TIMM9: variants seen among roughly 807,000 people sequenced by gnomAD.
TIMM9 encodes mitochondrial import inner membrane translocase subunit Tim9.
In TIMM9, 10 loss-of-function variants were observed where a neutral mutation model predicts 13.4. The observed-to-expected ratio is 0.75, with a 90% CI of 0.46 to 1.26. The LOEUF is 1.26. Ranked by LOEUF, TIMM9 falls within the 50% of genes most tolerant of loss-of-function variation. The pLI, the probability that TIMM9 is intolerant of heterozygous loss-of-function variation, is 0.00. For synonymous variants in TIMM9, 32 were observed against 32.1 expected (o/e 1.00, Z 0.01); for missense variants, 87 against 100.8 (o/e 0.86, Z 0.58).
Position 58,426,068 on chromosome 14 carries a change from G to C in TIMM9, c.-115+986C>G, listed in dbSNP as rs369330211. Among the ~76,000 whole-genome samples, 4 of 151,782 alleles carry C rather than the reference G, an allele frequency of 2.6e-5. 1 individual carries two copies. ...GGAGGCGGAGGTTGCAGTGAGCCAAGATCGCGCCACTGCACTCCAGCCTGT... is the reference window on the plus strand; with the variant it reads ...GGAGGCGGAGGTTGCAGTGAGCCAACATCGCGCCACTGCACTCCAGCCTGT... On this transcript the variant is annotated intron_variant, in intron 2 of 5. Coordinates refer to ENST00000395159, the MANE Select transcript of TIMM9 (RefSeq NM_012460.4).
chr14:58,408,578 A>T lies in TIMM9; in HGVS notation c.*456T>A, dbSNP rs1196883058. The stretch of plus-strand genomic sequence containing the variant: ...CAGGACTGCTTGGAGGATGATCCTG[A>T]TTGAAAAACATTTCAACGTATCCAC... On this transcript the variant is annotated 3_prime_UTR_variant, in exon 6 of 6. Transcript: ENST00000395159. 1.2e-6 allele frequency: 2 copies of T among 1,613,826 alleles called. No homozygotes were observed. Among genetic ancestry groups the T allele is most frequent in the Non-Finnish European group, 1.7e-6 (2 of 1,179,900 alleles).
At chr14:58,414,511 G>A (rs1394968968) in intron 3 of TIMM9, among the ~76,000 whole-genome samples, 2 of 152,040 alleles carry the variant, frequency 1.3e-5, no homozygotes, top group Non-Finnish European at 2.9e-5. Context: ...GCTGAGGCAG[G>A]TGGATCACCT....
chr14:58,417,038 G>A (rs1957946), intron 3 of TIMM9, among the ~76,000 whole-genome samples: 133 of 152,080 alleles, frequency 8.7e-4, no homozygotes, highest in African/African-American at 3.0e-3. Context: ...CTGTTCTCAT[G>A]ATAGTGAATA....
At chr14:58,409,861 A>G (rs1470777405) in intron 5 of TIMM9, among the ~76,000 whole-genome samples, 2 of 151,986 alleles carry the variant, frequency 1.3e-5, no homozygotes, top group Non-Finnish European at 2.9e-5. Context: ...TCCAGGCGTG[A>G]GCCACCGCGC....
rs924846314 is a variant in TIMM9, at chr14:58,408,982, A to G, written c.*52T>C. On this transcript the variant is annotated 3_prime_UTR_variant, in exon 6 of 6. Transcript: ENST00000395159. ...TCTATCAGATGAGTCCTCATTTCCA[A>G]TAAAGCAGCTGTTGGCAATCTTTCA... 11 of 1,586,180 alleles carry G rather than the reference A, an allele frequency of 6.9e-6. No individual in the cohort carries two copies. The African/African-American group carries it at 1.1e-4, about 16-fold the overall frequency.
chr14:58,415,349 G>T (rs1367775506), intron 3 of TIMM9, among the ~76,000 whole-genome samples: 1 of 152,026 alleles, frequency 6.6e-6, no homozygotes, highest in Non-Finnish European at 1.5e-5. Flanking sequence ...GAACTAGGAA[G>T]ATCTCAAACT....
intron 3 of TIMM9, among the ~76,000 whole-genome samples, chr14:58,422,927 G>T (rs897334737): frequency 6.6e-6 from 1 of 151,916 alleles, no homozygotes; most frequent in African/African-American, 2.4e-5. Flanking sequence ...TTGTGCCTCA[G>T]CCTCCTGAGT....
chr14:58,424,668 C>T (rs1186673292), intron 2 of TIMM9, among the ~76,000 whole-genome samples: 3 of 151,756 alleles, frequency 2.0e-5, no homozygotes, highest in Non-Finnish European at 4.4e-5. Context: ...AAAAGTTCTA[C>T]ATCAGCCTGG....
At chr14:58,422,158 C>T (rs1000671722) in intron 3 of TIMM9, among the ~76,000 whole-genome samples, 3 of 150,892 alleles carry the variant, frequency 2.0e-5, no homozygotes, top group African/African-American at 7.3e-5. Context: ...TCTTGTTGCC[C>T]AGGCTGGAGT....
chr14:58,419,451 TCACACACACACACACACACACACACACA>T (rs67147520), intron 3 of TIMM9, among the ~76,000 whole-genome samples: 5 of 112,926 alleles, frequency 4.4e-5, no homozygotes, highest in East Asian at 5.1e-4. Flanking sequence ...TGAGACCCCG[TCACACACACACACACACACACACACACA>T]CACACACACA....
intron 5 of TIMM9, among the ~76,000 whole-genome samples, chr14:58,410,240 TTTTTTTGTA>T (rs1433531824): frequency 1.3e-5 from 2 of 151,984 alleles, no homozygotes; most frequent in African/African-American, 4.8e-5. Context: ...CTAGCTAATT[TTTTTTTGTA>T]TTTTTTGTAA....
At chr14:58,421,751 G>A (rs2036594116) in intron 3 of TIMM9, among the ~76,000 whole-genome samples, 1 of 152,004 alleles carries the variant, frequency 6.6e-6, no homozygotes, top group African/African-American at 2.4e-5. Context: ...TTCTAAAGAA[G>A]TATTAAATGA....
At chr14:58,424,844 G>C (rs1447005913) in intron 2 of TIMM9, among the ~76,000 whole-genome samples, 1 of 152,136 alleles carries the variant, frequency 6.6e-6, no homozygotes, top group Non-Finnish European at 1.5e-5. Flanking sequence ...TCTTGCCTGG[G>C]TGACAGAAAG....
intron 3 of TIMM9, among the ~76,000 whole-genome samples, chr14:58,414,036 A>AAAAC (rs398025244): frequency 3.5e-5 from 5 of 144,304 alleles, no homozygotes; most frequent in African/African-American, 1.0e-4. Flanking sequence ...AAAAAAAAAA[A>AAAAC]GGTTTGTATA....
intron 3 of TIMM9, among the ~76,000 whole-genome samples, chr14:58,413,721 G>A (rs2140319502): frequency 6.6e-6 from 1 of 152,154 alleles, no homozygotes; most frequent in Non-Finnish European, 1.5e-5. Context: ...ATTTGTATTT[G>A]TATAGGCTGG....
Position 58,423,514 on chromosome 14 carries a change from C to CAA in TIMM9, c.-27+492_-27+493dup, listed in dbSNP as rs398025245. On this transcript the variant is annotated intron_variant, in intron 3 of 5. Coordinates refer to ENST00000395159, the MANE Select transcript of TIMM9 (RefSeq NM_012460.4). The stretch of plus-strand genomic sequence containing the variant: ...TGGGTGACAGAGCGAGACTTTGTCT[C>CAA]AAAAAAAAAAAAAAAAAAAAAAAAA... 1.4e-3 allele frequency among the ~76,000 whole-genome samples: 94 copies of CAA among 66,458 alleles called. 1 individual carries two copies. The highest frequency in any genetic ancestry group is 3.7e-3 in the African/African-American group (64 of 17,154). 43.6% of individuals were successfully genotyped at this position (66,458 alleles called of 152,430 possible).
chr14:58,413,035 G>A (rs975158847), intron 3 of TIMM9, among the ~76,000 whole-genome samples: 2 of 152,052 alleles, frequency 1.3e-5, no homozygotes, highest in African/African-American at 4.8e-5. Context: ...ATTATACTCA[G>A]TCGAATACAT....
intron 3 of TIMM9, among the ~76,000 whole-genome samples, chr14:58,418,184 C>T (rs1209472813): frequency 6.6e-6 from 1 of 151,934 alleles, no homozygotes; most frequent in African/African-American, 2.4e-5. Context: ...AAAATTAATC[C>T]GTTTAAGTCC....
chr14:58,417,557 A>G (rs1415704383), intron 3 of TIMM9, among the ~76,000 whole-genome samples: 1 of 111,732 alleles, frequency 8.9e-6, no homozygotes, highest in African/African-American at 3.3e-5. Context: ...GGAGGGAGAG[A>G]GGGAAAGGAG....
Sources: gnomAD v4.1 joint callset for allele counts (sites outside exome capture counted in the v4.1 genomes callset) on GRCh38, gnomAD v4.1.1 for gene constraint, MANE v1.5 for transcripts, NCBI Gene and HGNC (gene_info 2026-07-23, HGNC 2026-07-21) for gene names.